The following SLC43A1 variants were observed in gnomAD, a reference collection of about 807,000 sequenced individuals.
SLC43A1 encodes solute carrier family 43 member 1.
SLC43A1 carries 31 observed loss-of-function variants against 59.5 expected under a neutral mutation model. The observed-to-expected ratio is 0.52, with a 90% CI of 0.39 to 0.70. The LOEUF is 0.70. Ranked by LOEUF, SLC43A1 falls within the 30% of genes least tolerant of loss-of-function variation. The pLI is 0.00. For synonymous variants in SLC43A1, 259 were observed against 290.9 expected, an observed-to-expected ratio of 0.89 and a Z score of 1.12; for missense variants, 598 against 717.8, an observed-to-expected ratio of 0.83 and a Z score of 1.91.
In SLC43A1 at chr11:57,514,790, C is replaced by T; in HGVS notation, c.-14+654G>A. On this transcript the variant is annotated intron_variant, in intron 1 of 14. Transcript: ENST00000278426. The surrounding 1 kb of genome is among the most constrained non-coding windows in gnomAD (Gnocchi z 5.5). ...CGCGCCCCTCACTCACTCCGCAGGG[C>T]TCGGGGCACCAGGCTTTGCACCTCG... 1 of 984,916 alleles carries T rather than the reference C, an allele frequency of 1.0e-6. No individual in the cohort carries two copies. Among genetic ancestry groups the T allele is most frequent in the South Asian group, 4.7e-5 (1 of 21,268 alleles). The allele number at this position is 984,916 out of a possible 1,614,324, so 61.0% of individuals were successfully genotyped here. A position where few individuals can be genotyped will look rare whatever the true frequency, so the allele number is the denominator to read the frequency against.
Position 57,487,223 on chromosome 11 carries a change from C to G in SLC43A1, c.1410-5G>C, listed in dbSNP as rs1943763858. ...CCAAAGTGGTTGGATGGGAACCTGT[C>G]CACGAGACGGGGAGTATCAGGGGTG... On this transcript the variant is annotated splice_polypyrimidine_tract_variant and splice_region_variant and intron_variant, in intron 13 of 14. Coordinates refer to ENST00000278426, the MANE Select transcript of SLC43A1 (RefSeq NM_003627.6). 13 of 1,611,728 alleles carry G rather than the reference C, an allele frequency of 8.1e-6. No homozygotes were observed. Among genetic ancestry groups the G allele is most frequent in the Non-Finnish European group, 1.1e-5 (13 of 1,178,322 alleles).
intron 2 of SLC43A1, among the ~76,000 whole-genome samples, chr11:57,506,123 A>G (rs1161838449): frequency 1.3e-5 from 2 of 152,182 alleles, no homozygotes; most frequent in Non-Finnish European, 2.9e-5. Flanking sequence ...AGACAGGAGG[A>G]TCGCTTGAGT....
Position 57,515,147 on chromosome 11 carries a change from G to T in SLC43A1, c.-14+297C>A. On this transcript the variant is annotated intron_variant, in intron 1 of 14. Coordinates refer to ENST00000278426, the MANE Select transcript of SLC43A1 (RefSeq NM_003627.6). The surrounding 1 kb of genome is among the most constrained non-coding windows in gnomAD (Gnocchi z 5.3). The stretch of plus-strand genomic sequence containing the variant: ...TCGGTATTCTCATCTGTGAAACGGG[G>T]CTTTGGGTTCAAGCGCTCCAGGAGG... 1 of 888,792 alleles carries T rather than the reference G, an allele frequency of 1.1e-6. No individual in the cohort carries two copies. The highest frequency in any genetic ancestry group is 1.3e-6 in the Non-Finnish European group (1 of 741,832). The allele number at this position is 888,792 out of a possible 1,614,324, so 55.1% of individuals were successfully genotyped here. A position where few individuals can be genotyped will look rare whatever the true frequency, so the allele number is the denominator to read the frequency against.
chr11:57,485,036 A>T lies in SLC43A1; in HGVS notation c.*60T>A, dbSNP rs1943690300. On this transcript the variant is annotated 3_prime_UTR_variant, in exon 15 of 15. Transcript: ENST00000278426. ...TACAGGTAGAAAAGCCATATGGGGC[A>T]CTCCTTTTGGTTGCTCAGGCCTTGA... is the stretch of plus-strand genomic sequence containing the variant. The T allele has an allele frequency of 1.4e-5, 22 of 1,536,332 alleles. No homozygotes were observed. The South Asian group carries it at 2.8e-4, about 19-fold the overall frequency.
Position 57,514,006 on chromosome 11 carries a change from G to A in SLC43A1, c.106C>T (p.Leu36=), listed in dbSNP as rs1034812038. The change falls in exon 2 of 15, where the codon CTG becomes TTG. Residue 36 remains leucine, a synonymous_variant. Transcript: ENST00000278426. This position sits in a 1 kb window ranked among gnomAD's most constrained non-coding sequence, Gnocchi z 5.5. ...FSAVLLGWGS[L]LIILKNEGFY... Reference sequence around the variant, plus strand: ...CCCTCGTTCTTCAGAATGATCAACAGGGAGCCCCAGCCCAGGAGTACAGCA... The same window carrying A: ...CCCTCGTTCTTCAGAATGATCAACAAGGAGCCCCAGCCCAGGAGTACAGCA... The A allele has an allele frequency of 2.5e-5, 37 of 1,504,538 alleles. No homozygotes were observed. The highest frequency in any genetic ancestry group is 3.3e-5 in the Non-Finnish European group (37 of 1,112,670). 93.2% of individuals were successfully genotyped at this position (1,504,538 alleles called of 1,614,324 possible).
chr11:57,494,228 C>T (rs772245624), intron 7 of SLC43A1, 57 bp from the exon 8 acceptor site: 25 of 1,538,806 alleles, frequency 1.6e-5, no homozygotes, highest in Non-Finnish European at 2.1e-5. Context: ...CCACCTTCAA[C>T]GGCCTAGTGC....
chr11:57,511,258 T>A (rs1215415457), intron 2 of SLC43A1, among the ~76,000 whole-genome samples: 1 of 152,016 alleles, frequency 6.6e-6, no homozygotes, highest in Admixed American at 6.5e-5. Flanking sequence ...ACCCAGTCTC[T>A]ATAAAAAAAT....
At position 57,491,841 on chromosome 11, in the gene SLC43A1, C is replaced by A. The variant is rs1426480301; in HGVS notation, c.893G>T (p.Ser298Ile). 1.2e-6 allele frequency: 2 copies of A among 1,614,156 alleles called. No homozygotes were observed. Residue 298 changes from serine to isoleucine, a missense_variant, in exon 9 of 15, where the codon AGC becomes ATC. Ser to Ile is a moderately radical substitution (Grantham distance 142, BLOSUM62 -2). Transcript: ENST00000278426. ...LPERSVPLRK[S>I]LCSPTFLWSL... ...CCACAGGAAAGTGGGGGAGCAGAGG[C>A]TCTTGCGTAAGGGGACAGACCCTGG...
At chr11:57,492,807 T>C (rs1943973839) in intron 8 of SLC43A1, among the ~76,000 whole-genome samples, 1 of 148,386 alleles carries the variant, frequency 6.7e-6, no homozygotes, top group Non-Finnish European at 1.5e-5. Flanking sequence ...TTTCGGAGGC[T>C]GAGGCAGGAG....
chr11:57,505,537 AT>A (rs1471228311), intron 2 of SLC43A1, among the ~76,000 whole-genome samples: 1 of 152,100 alleles, frequency 6.6e-6, no homozygotes, highest in Non-Finnish European at 1.5e-5. Context: ...AACAAAAAAA[AT>A]AACAAAAAAC....
chr11:57,512,270 C>A (rs1295191014), intron 2 of SLC43A1, among the ~76,000 whole-genome samples: 1 of 152,042 alleles, frequency 6.6e-6, no homozygotes, highest in Non-Finnish European at 1.5e-5. Flanking sequence ...ACACCACCAG[C>A]ACCAGGTGGA....
At chr11:57,488,813 G>T (rs1412426345) in intron 13 of SLC43A1, 103 bp downstream of exon 13, 2 of 945,880 alleles carry the variant, frequency 2.1e-6, no homozygotes, top group Non-Finnish European at 3.5e-6. Flanking sequence ...GGGTCTCAGA[G>T]AGAGGTGCAT....
intron 6 of SLC43A1, among the ~76,000 whole-genome samples, chr11:57,496,540 A>ACGTAC (rs1300268759): frequency 4.6e-5 from 7 of 152,206 alleles, no homozygotes; most frequent in Non-Finnish European, 1.0e-4. Context: ...CGTACAAAGG[A>ACGTAC]AACTTAGTGC....
intron 2 of SLC43A1, among the ~76,000 whole-genome samples, chr11:57,512,491 C>T (rs886179213): frequency 6.7e-6 from 1 of 149,920 alleles, no homozygotes. Flanking sequence ...TTGCAGTGAG[C>T]GAAGATCATG....
chr11:57,502,369 C>G (rs1238585123), intron 2 of SLC43A1, among the ~76,000 whole-genome samples: 1 of 152,204 alleles, frequency 6.6e-6, no homozygotes, highest in Non-Finnish European at 1.5e-5. Context: ...AATGCCTAAC[C>G]CACGACCTCC....
intron 12 of SLC43A1, 120 bp downstream of exon 12, chr11:57,489,131 C>T (rs1943827217): frequency 8.2e-6 from 12 of 1,458,464 alleles, no homozygotes; most frequent in South Asian, 6.0e-5. Context: ...CTGGAGAACC[C>T]GGAAAATAGA....
At position 57,507,193 on chromosome 11, in the gene SLC43A1, T is replaced by C. The variant is rs183970943; in HGVS notation, c.155-5864A>G. Among the ~76,000 whole-genome samples, 291 of 152,160 alleles carry C rather than the reference T, an allele frequency of 1.9e-3. 4 individuals carry two copies. Among genetic ancestry groups the C allele is most frequent in the African/African-American group, 6.6e-3 (274 of 41,522 alleles). On this transcript the variant is annotated intron_variant, in intron 2 of 14. Transcript: ENST00000278426. Reference sequence around the variant, plus strand: ...AAATAAAAAATTAGCCGAGGCCAGGTGCAGAGGCTCACGCCTGTAATCCTA... The same window carrying C: ...AAATAAAAAATTAGCCGAGGCCAGGCGCAGAGGCTCACGCCTGTAATCCTA...
chr11:57,492,896 C>T (rs1943978151), intron 8 of SLC43A1, among the ~76,000 whole-genome samples: 1 of 151,564 alleles, frequency 6.6e-6, no homozygotes, highest in Non-Finnish European at 1.5e-5. Context: ...AAAAATTAGC[C>T]GAGCATGGTG....
chr11:57,487,953 A>G (rs1943788932), intron 13 of SLC43A1, among the ~76,000 whole-genome samples: 1 of 152,130 alleles, frequency 6.6e-6, no homozygotes, highest in African/African-American at 2.4e-5. Flanking sequence ...AGAGTGAACA[A>G]TGGAGGAGGG....
Sources: allele counts gnomAD v4.1 joint callset (sites outside exome capture counted in the v4.1 genomes callset), GRCh38; gene constraint gnomAD v4.1.1; non-coding constraint Gnocchi (gnomAD v3.1); transcripts MANE v1.5; gene names NCBI Gene and HGNC (gene_info 2026-07-23, HGNC 2026-07-21).